The following SIPA1L2 variants were observed in gnomAD, a reference collection of about 807,000 sequenced individuals.
SIPA1L2 encodes signal induced proliferation associated 1 like 2.
In SIPA1L2, 56 loss-of-function variants were observed where a neutral mutation model predicts 163.9. The ratio of observed to expected loss-of-function variants is 0.34; its 90% CI spans 0.28 to 0.43. The LOEUF (loss-of-function observed/expected upper bound fraction) is 0.43, where lower values mean the gene tolerates loss of function less well. SIPA1L2 is among the 20% of genes least tolerant of loss of function. The probability of loss-of-function intolerance (pLI) is 1.00; values close to 1 mark genes in which losing one functional copy is unlikely to be tolerated. For missense variants in SIPA1L2, 1,974 were observed against 2,193.5 expected (o/e 0.90, Z 2.00); for synonymous variants, 877 against 865.7 (o/e 1.01, Z -0.23).
chr1:232,400,595 C>T (rs1660280731), intron 22 of SIPA1L2, among the ~76,000 whole-genome samples: 1 of 152,152 alleles, frequency 6.6e-6, no homozygotes, highest in Non-Finnish European at 1.5e-5. Flanking sequence ...GGTCATGAGA[C>T]CTGCTACCCC....
At chr1:232,522,041 C>T (rs1024350723) in intron 2 of SIPA1L2, among the ~76,000 whole-genome samples, 1 of 152,158 alleles carries the variant, frequency 6.6e-6, no homozygotes, top group Non-Finnish European at 1.5e-5. Context: ...ACACCCAGTG[C>T]TCATCCTGCC....
intron 19 of SIPA1L2, among the ~76,000 whole-genome samples, chr1:232,412,238 G>A (rs148589385): frequency 6.6e-6 from 1 of 152,124 alleles, no homozygotes; most frequent in African/African-American, 2.4e-5. Context: ...TAGACTAATG[G>A]GGGAGAGGCA....
chr1:232,558,792 A>AT (rs1196642852), intron 2 of SIPA1L2, among the ~76,000 whole-genome samples: 1 of 152,170 alleles, frequency 6.6e-6, no homozygotes, highest in Admixed American at 6.5e-5. Flanking sequence ...ATCAAGTTTT[A>AT]TGAGGGTAAT....
At chr1:232,551,453 TAAC>T (rs916459118) in intron 2 of SIPA1L2, among the ~76,000 whole-genome samples, 1 of 152,190 alleles carries the variant, frequency 6.6e-6, no homozygotes, top group African/African-American at 2.4e-5. Context: ...CAAACTAGTT[TAAC>T]AACAAGCTAA....
At chr1:232,525,152 GT>G (rs1270574672) in intron 2 of SIPA1L2, among the ~76,000 whole-genome samples, 3,665 of 137,432 alleles carry the variant, frequency 0.027, 97 homozygotes, top group African/African-American at 0.078. Context: ...TTAATTTAAC[GT>G]TTTTTTTTTA....
intron 12 of SIPA1L2, among the ~76,000 whole-genome samples, chr1:232,443,149 C>T (rs1663003663): frequency 1.3e-5 from 2 of 152,224 alleles, no homozygotes; most frequent in African/African-American, 4.8e-5. Flanking sequence ...AGTCCTCAGG[C>T]TCTGCCTGAG....
At position 232,399,078 on chromosome 1, in the gene SIPA1L2, A is replaced by G; in HGVS notation, c.*49T>C. 1 of 1,611,202 alleles carries G rather than the reference A, an allele frequency of 6.2e-7. No homozygotes were observed. The highest frequency in any genetic ancestry group is 8.5e-7 in the Non-Finnish European group (1 of 1,178,076). On this transcript the variant is annotated 3_prime_UTR_variant, in exon 23 of 23. Transcript: ENST00000674635. Reference sequence around the variant, plus strand: ...GAAAAACCACATGTTTGTGACTTCAAAGGGACAAGGGGCATTTCCCAGTGG... The same window carrying G: ...GAAAAACCACATGTTTGTGACTTCAGAGGGACAAGGGGCATTTCCCAGTGG...
chr1:232,504,934 G>C (rs945463645), intron 3 of SIPA1L2, among the ~76,000 whole-genome samples: 6 of 152,082 alleles, frequency 3.9e-5, no homozygotes, highest in Non-Finnish European at 8.8e-5. Context: ...GCAGCTTGAG[G>C]CTAAAAAAAT....
chr1:232,477,262 G>A (rs1163727013), intron 7 of SIPA1L2, among the ~76,000 whole-genome samples: 1 of 152,122 alleles, frequency 6.6e-6, no homozygotes, highest in Non-Finnish European at 1.5e-5. Flanking sequence ...ACTGGAGACA[G>A]GAAAATAAAA....
chr1:232,562,593 C>G (rs1282110585), intron 2 of SIPA1L2, among the ~76,000 whole-genome samples: 3 of 152,164 alleles, frequency 2.0e-5, no homozygotes. Flanking sequence ...CTGTTAATAA[C>G]CTAATACTTT....
intron 1 of SIPA1L2, among the ~76,000 whole-genome samples, chr1:232,598,264 G>A (rs997418177): frequency 6.6e-6 from 1 of 151,866 alleles, no homozygotes; most frequent in Admixed American, 6.6e-5. Flanking sequence ...AATCAGCCGG[G>A]TGTGCTGGTG....
chr1:232,413,158 TTCA>T (rs1441472078), intron 19 of SIPA1L2, among the ~76,000 whole-genome samples: 1 of 152,242 alleles, frequency 6.6e-6, no homozygotes, highest in Non-Finnish European at 1.5e-5. Flanking sequence ...TCTTTGGTTC[TTCA>T]TTTTACAGAT....
chr1:232,435,560 G>A (rs568737707), intron 15 of SIPA1L2, among the ~76,000 whole-genome samples: 4 of 152,294 alleles, frequency 2.6e-5, no homozygotes, highest in African/African-American at 7.2e-5. Context: ...AGAAAGGTAC[G>A]GTGGCATGAA....
At chr1:232,527,840 T>A (rs1667787057) in intron 2 of SIPA1L2, among the ~76,000 whole-genome samples, 1 of 144,106 alleles carries the variant, frequency 6.9e-6, no homozygotes, top group Admixed American at 7.2e-5. Flanking sequence ...CAAGCGATCC[T>A]CCCACTTCAC....
At chr1:232,597,784 G>C (rs1661360736) in intron 1 of SIPA1L2, among the ~76,000 whole-genome samples, 1 of 151,418 alleles carries the variant, frequency 6.6e-6, no homozygotes, top group Non-Finnish European at 1.5e-5. Context: ...AAGAGAGGCT[G>C]ATCTTGGCCC....
chr1:232,534,383 T>C (rs1259827582), intron 2 of SIPA1L2, among the ~76,000 whole-genome samples: 2 of 152,092 alleles, frequency 1.3e-5, no homozygotes, highest in Admixed American at 1.3e-4. Flanking sequence ...TATACAAAAA[T>C]TAACTAAAAA....
rs761370036 is a variant in SIPA1L2 at position 232,515,346 on chromosome 1, C to T, written c.-7G>A. The T allele has an allele frequency of 5.1e-6, 8 of 1,567,374 alleles. No homozygotes were observed. The East Asian group carries it at 9.0e-5, about 18-fold the overall frequency. ...ACTGCCTTGGGTCACTCATGTCTAC[C>T]GAGGAAGAGCCTCCAAGTCTCACCA... On this transcript the variant is annotated 5_prime_UTR_variant, in exon 3 of 23. Transcript: ENST00000674635.
At chr1:232,596,842 G>T (rs985889073) in intron 1 of SIPA1L2, among the ~76,000 whole-genome samples, 7 of 152,162 alleles carry the variant, frequency 4.6e-5, no homozygotes, top group Non-Finnish European at 1.0e-4. Context: ...CTCCTGAGAA[G>T]TGCAGGGACT....
chr1:232,577,427 C>T (rs184909919), intron 1 of SIPA1L2, among the ~76,000 whole-genome samples: 55 of 152,202 alleles, frequency 3.6e-4, no homozygotes, highest in Non-Finnish European at 1.8e-4. Context: ...ACATCCATTC[C>T]GCAGCCCATG....
Sources: gnomAD v4.1 joint callset for allele counts (sites outside exome capture counted in the v4.1 genomes callset) on GRCh38, gnomAD v4.1.1 for gene constraint, MANE v1.5 for transcripts, NCBI Gene and HGNC (gene_info 2026-07-23, HGNC 2026-07-21) for gene names.